Variants in FHAD1 observed in about 807,000 individuals in gnomAD.
FHAD1 encodes forkhead associated phosphopeptide binding domain 1.
Under a neutral mutation model 191.3 loss-of-function variants are expected in FHAD1, and 146 were observed. That is an observed-to-expected ratio of 0.76 (90% CI 0.67 to 0.88). The LOEUF (loss-of-function observed/expected upper bound fraction) is 0.88, where lower values mean the gene tolerates loss of function less well. FHAD1 is among the 40% of genes least tolerant of loss of function. FHAD1 has a pLI of 0.00. For synonymous variants in FHAD1, 616 were observed against 672.3 expected (o/e 0.92, Z 1.29); for missense variants, 1,635 against 1,785.8 (o/e 0.92, Z 1.52).
upstream of FHAD1, among the ~76,000 whole-genome samples, chr1:15,243,106 A>G (rs1380773538): frequency 6.6e-6 from 1 of 152,210 alleles, no homozygotes; most frequent in Non-Finnish European, 1.5e-5. Flanking sequence ...GATTTGCAAG[A>G]TAACTGAATG....
intron 20 of FHAD1, among the ~76,000 whole-genome samples, chr1:15,353,232 CCAGCACT>C (rs1392832854): frequency 1.3e-5 from 2 of 152,102 alleles, no homozygotes; most frequent in Non-Finnish European, 2.9e-5. Context: ...GGAGAGGCAC[CCAGCACT>C]CAGCACTCCG....
At chr1:15,359,945 G>A (rs1015946717) in intron 21 of FHAD1, among the ~76,000 whole-genome samples, 11 of 151,492 alleles carry the variant, frequency 7.3e-5, no homozygotes, top group South Asian at 4.2e-4. Context: ...GAGAGACTCC[G>A]TCTCAAGAAA....
In FHAD1 at chr1:15,316,252, C is replaced by T. The variant is rs1033478006; in HGVS notation, c.1171-126C>T. ...TGGGATGCCTTTTGGGATCTCAGTG[C>T]GTGACTGGATGGAAACAGCAGGAAA... On this transcript the variant is annotated intron_variant, in intron 8 of 33. Coordinates refer to ENST00000688493, the MANE Select transcript of FHAD1 (RefSeq NM_001391957.1). The surrounding 1 kb of genome is among the most constrained non-coding windows in gnomAD (Gnocchi z 4.3). 8.3e-6 allele frequency: 6 copies of T among 724,974 alleles called. No individual in the cohort carries two copies. The highest frequency in any genetic ancestry group is 1.8e-5 in the South Asian group (1 of 55,916). 44.9% of individuals were successfully genotyped at this position (724,974 alleles called of 1,614,324 possible).
At chr1:15,359,498 T>C (rs1366210939) in intron 21 of FHAD1, among the ~76,000 whole-genome samples, 1 of 151,992 alleles carries the variant, frequency 6.6e-6, no homozygotes, top group Non-Finnish European at 1.5e-5. Flanking sequence ...GTTGTAGGCA[T>C]GGGAAAGCAG....
chr1:15,298,556 C>T (rs1667649978), intron 5 of FHAD1, among the ~76,000 whole-genome samples: 2 of 152,144 alleles, frequency 1.3e-5, no homozygotes, highest in African/African-American at 2.4e-5. Context: ...GTGCAGTGGC[C>T]TCTGGGTTTC....
In FHAD1 at chr1:15,360,681, A is replaced by C. The variant is rs1205336721; in HGVS notation, c.2940A>C (p.Ala980=). 13 of 1,551,662 alleles carry C rather than the reference A, an allele frequency of 8.4e-6. No individual in the cohort carries two copies. The highest frequency in any genetic ancestry group is 1.2e-5 in the South Asian group (1 of 84,066). ...ATAAAAAAATAGAAGGCGAGATTGCAACATTGAAGGACAATGACCCAGGTA... is the reference window on the plus strand; with the variant it reads ...ATAAAAAAATAGAAGGCGAGATTGCCACATTGAAGGACAATGACCCAGGTA... ...QHHKKIEGEI[A]TLKDNDPAPK... The change falls in exon 22 of 34, where the codon GCA becomes GCC. Residue 980 remains alanine, a synonymous_variant. Coordinates refer to ENST00000688493, the MANE Select transcript of FHAD1 (RefSeq NM_001391957.1).
rs768062365 is a variant in FHAD1 at position 15,296,683 on chromosome 1, G to T, written c.569-1G>T. ...TGCTCTCTGCTGATCTCACGCCTTA[G>T]TGTGGACCAATGCCATGAAACTGTC... On this transcript the variant is annotated splice_acceptor_variant, in intron 4 of 33. Transcript: ENST00000688493. LOFTEE classifies it high-confidence loss of function. 4 of 1,552,034 alleles carry T rather than the reference G, an allele frequency of 2.6e-6. No individual in the cohort carries two copies. Among genetic ancestry groups the T allele is most frequent in the Non-Finnish European group, 2.6e-6 (3 of 1,147,020 alleles).
intron 14 of FHAD1, among the ~76,000 whole-genome samples, chr1:15,331,320 C>G (rs928102967): frequency 1.3e-5 from 2 of 151,636 alleles, no homozygotes; most frequent in African/African-American, 4.9e-5. Flanking sequence ...GGGCCTAATA[C>G]ATATCTGTGG....
intron 5 of FHAD1, 94 bp downstream of exon 5, chr1:15,296,887 CT>C: frequency 1.1e-6 from 1 of 944,058 alleles, no homozygotes; most frequent in Non-Finnish European, 1.6e-6. Flanking sequence ...CAGGAGTGCC[CT>C]TATCCTGCTT....
chr1:15,397,536 C>T lies in FHAD1; in HGVS notation c.*123C>T, dbSNP rs1042222534. On this transcript the variant is annotated 3_prime_UTR_variant, in exon 34 of 34. Transcript: ENST00000688493. ...TTTAAAGATTGTTACCCTAGTGTTTCATTTCCTAGACCAGTATTTTGAACA... is the reference window on the plus strand; with the variant it reads ...TTTAAAGATTGTTACCCTAGTGTTTTATTTCCTAGACCAGTATTTTGAACA... 3 of 488,304 alleles carry T rather than the reference C, an allele frequency of 6.1e-6. No individual in the cohort carries two copies. Among genetic ancestry groups the T allele is most frequent in the South Asian group, 5.0e-5 (1 of 20,142 alleles). 30.2% of individuals were successfully genotyped at this position (488,304 alleles called of 1,614,324 possible).
At chr1:15,256,510 G>T (rs1018297321) in intron 2 of FHAD1, among the ~76,000 whole-genome samples, 5 of 152,026 alleles carry the variant, frequency 3.3e-5, no homozygotes, top group African/African-American at 1.2e-4. Context: ...AAAATTAGCC[G>T]GGTGTGGTGG....
chr1:15,294,113 C>T (rs1247058705), intron 4 of FHAD1, among the ~76,000 whole-genome samples: 1 of 152,160 alleles, frequency 6.6e-6, no homozygotes, highest in Non-Finnish European at 1.5e-5. Flanking sequence ...AGACCCGGGC[C>T]TCTCTGCTCC....
At chr1:15,343,338 GCATGCTGCCC>G (rs754930642) in intron 16 of FHAD1, among the ~76,000 whole-genome samples, 25 of 152,116 alleles carry the variant, frequency 1.6e-4, no homozygotes, top group Non-Finnish European at 2.6e-4. Flanking sequence ...AGCAGCGTGT[GCATGCTGCCC>G]CTCCTCACAG....
At chr1:15,376,386 G>A (rs990004114) in intron 28 of FHAD1, among the ~76,000 whole-genome samples, 2 of 152,186 alleles carry the variant, frequency 1.3e-5, no homozygotes, top group East Asian at 1.9e-4. Context: ...CACTGTGCCC[G>A]GCCGATCACG....
At chr1:15,338,151 C>T (rs994265491) in intron 14 of FHAD1, among the ~76,000 whole-genome samples, 1 of 152,184 alleles carries the variant, frequency 6.6e-6, no homozygotes, top group Admixed American at 6.5e-5. Flanking sequence ...CCCCACATCC[C>T]GGTGTGAAAC....
chr1:15,333,824 C>CCCTTTTTTTTTTTTTTTTTTT (rs1682786550), intron 14 of FHAD1, among the ~76,000 whole-genome samples: 1 of 64,802 alleles, frequency 1.5e-5, no homozygotes, highest in East Asian at 5.7e-4. Context: ...TTTTATTTAT[C>CCCTTTTTTTTTTTTTTTTTTT]TTTTTTTTTT....
At chr1:15,385,741 C>G (rs1348244038) in intron 31 of FHAD1, among the ~76,000 whole-genome samples, 2 of 152,150 alleles carry the variant, frequency 1.3e-5, no homozygotes, top group East Asian at 3.9e-4. Context: ...CACCACTGCC[C>G]TCCAGCCTGG....
intron 4 of FHAD1, among the ~76,000 whole-genome samples, chr1:15,290,550 G>T (rs2100587563): frequency 6.6e-6 from 1 of 152,162 alleles, no homozygotes; most frequent in Non-Finnish European, 1.5e-5. Flanking sequence ...CATTATTACT[G>T]TGACATACGC....
chr1:15,265,970 C>CAAA (rs531702447), intron 2 of FHAD1, among the ~76,000 whole-genome samples: 29,922 of 78,302 alleles, frequency 0.38, 6,593 homozygotes, highest in East Asian at 0.7. Context: ...GACTCCATCT[C>CAAA]AAAAAAAAAA....
Sources: gnomAD v4.1 joint callset for allele counts (sites outside exome capture counted in the v4.1 genomes callset) on GRCh38, gnomAD v4.1.1 for gene constraint, Gnocchi (gnomAD v3.1) non-coding constraint, MANE v1.5 for transcripts, NCBI Gene and HGNC (gene_info 2026-07-23, HGNC 2026-07-21) for gene names.